Variants in ARHGAP29 observed in about 807,000 individuals in gnomAD.
ARHGAP29 encodes the protein Rho GTPase activating protein 29.
Under a neutral mutation model 122.6 loss-of-function variants are expected in ARHGAP29, and 43 were observed. That is an observed-to-expected ratio of 0.35 (90% confidence interval 0.27 to 0.45). The LOEUF is 0.45. Ranked by LOEUF, ARHGAP29 falls within the 20% of genes least tolerant of loss-of-function variation. The pLI, the probability that ARHGAP29 is intolerant of heterozygous loss-of-function variation, is 1.00. For synonymous variants in ARHGAP29, 506 were observed against 497.1 expected, an observed-to-expected ratio of 1.02 and a Z score of -0.24; for missense variants, 1,303 against 1,477.2, an observed-to-expected ratio of 0.88 and a Z score of 1.93.
chr1:94,310,938 C>A, the ARHGAP29 span, among the ~76,000 whole-genome samples: 5 of 152,156 alleles, frequency 3.3e-5, no homozygotes, highest in Admixed American at 2.6e-4. Flanking sequence ...ACACTCCTGG[C>A]TTCCTTCTAC....
In ARHGAP29 at chr1:94,247,282, G is replaced by A. The variant is rs1284462248; in HGVS notation, c.-32-15639C>T. On this transcript the variant is annotated intron_variant and NMD_transcript_variant, in intron 1 of 25. Coordinates refer to the ARHGAP29 transcript ENST00000552844. ...GGCTGGTGGCTAGCAAAGGGAGCGGGGCTGAGACACGCTCGGGGAGTCCTG... is the reference window on the plus strand; with the variant it reads ...GGCTGGTGGCTAGCAAAGGGAGCGGAGCTGAGACACGCTCGGGGAGTCCTG... 2.6e-5 allele frequency among the ~76,000 whole-genome samples: 4 copies of A among 152,138 alleles called. No homozygotes were observed. The East Asian group carries it at 7.8e-4, about 30-fold the overall frequency.
At chr1:94,236,239 A>C (rs2101626784) in intron 1 of ARHGAP29, among the ~76,000 whole-genome samples, 1 of 152,354 alleles carries the variant, frequency 6.6e-6, no homozygotes, top group East Asian at 1.9e-4. Flanking sequence ...ATACACATGC[A>C]CTTCATTTCT....
intron 2 of ARHGAP29, among the ~76,000 whole-genome samples, chr1:94,223,860 T>C (rs879478640): frequency 2.6e-5 from 4 of 151,984 alleles, no homozygotes; most frequent in Non-Finnish European, 4.4e-5. Flanking sequence ...TGGGCTAGAA[T>C]GCCACGGTGC....
At chr1:94,304,556 G>A in the ARHGAP29 span, among the ~76,000 whole-genome samples, 2 of 152,202 alleles carry the variant, frequency 1.3e-5, no homozygotes, top group Admixed American at 1.3e-4. Context: ...TTATTTGATA[G>A]CAACACATAA....
At chr1:94,212,217 C>G (rs762136273) in intron 3 of ARHGAP29, among the ~76,000 whole-genome samples, 34 of 151,992 alleles carry the variant, frequency 2.2e-4, no homozygotes, top group Non-Finnish European at 4.7e-4. Context: ...GAGATCTCAC[C>G]ACTGCACACT....
intron 3 of ARHGAP29, among the ~76,000 whole-genome samples, chr1:94,219,975 G>A (rs979268218): frequency 3.3e-5 from 5 of 152,102 alleles, no homozygotes; most frequent in Admixed American, 1.3e-4. Flanking sequence ...TCGAAAGAGC[G>A]TGCACTCATT....
At chr1:94,302,912 G>C in the ARHGAP29 span, 1 of 194,612 alleles carries the variant, frequency 5.1e-6, no homozygotes, top group Non-Finnish European at 1.1e-5. Context: ...CAACACTGGG[G>C]CTGGCATTGC....
chr1:94,185,772 T>C (rs1384252106), intron 16 of ARHGAP29, among the ~76,000 whole-genome samples: 1 of 152,172 alleles, frequency 6.6e-6, no homozygotes, highest in Non-Finnish European at 1.5e-5. Context: ...TACACTGTTA[T>C]TAATATGCTC....
chr1:94,230,465 T>C (rs1261748943), intron 2 of ARHGAP29, among the ~76,000 whole-genome samples: 1 of 151,836 alleles, frequency 6.6e-6, no homozygotes, highest in Non-Finnish European at 1.5e-5. Context: ...CCAGTCATTT[T>C]GGGCATTTCA....
chr1:94,300,440 C>G, the ARHGAP29 span, among the ~76,000 whole-genome samples: 1 of 152,204 alleles, frequency 6.6e-6, no homozygotes, highest in African/African-American at 2.4e-5. Flanking sequence ...AATAACACCT[C>G]TGGTTTCCAC....
chr1:94,244,583 A>C (rs1346660842), intron 1 of ARHGAP29, among the ~76,000 whole-genome samples: 1 of 152,128 alleles, frequency 6.6e-6, no homozygotes, highest in South Asian at 2.1e-4. Context: ...AAGAGAAAGA[A>C]ATAAAATGCA....
At chr1:94,235,953 T>C (rs1189860304) in intron 1 of ARHGAP29, among the ~76,000 whole-genome samples, 1 of 152,202 alleles carries the variant, frequency 6.6e-6, no homozygotes, top group Non-Finnish European at 1.5e-5. Context: ...AATTGAAGTG[T>C]AAAACTGCCC....
intron 16 of ARHGAP29, among the ~76,000 whole-genome samples, chr1:94,185,865 A>G (rs1412460865): frequency 6.6e-6 from 1 of 152,194 alleles, no homozygotes; most frequent in East Asian, 1.9e-4. Context: ...ATGAGGTTAG[A>G]GTGTGAGCAT....
Position 94,173,203 on chromosome 1 carries a change from G to A in ARHGAP29, c.*666C>T, listed in dbSNP as rs1384262557. ...AACTGAATATATAATTTAGAAACAG[G>A]TTTAAGTGCATTTTCTTTGTACAAC... is the stretch of plus-strand genomic sequence containing the variant. On this transcript the variant is annotated 3_prime_UTR_variant, in exon 23 of 23. Transcript: ENST00000260526. 1.3e-5 allele frequency: 2 copies of A among 152,502 alleles called. No individual in the cohort carries two copies. Among genetic ancestry groups the A allele is most frequent in the African/African-American group, 4.8e-5 (2 of 41,412 alleles). The allele number at this position is 152,502 out of a possible 1,614,324, so 9.4% of individuals were successfully genotyped here. A position where few individuals can be genotyped will look rare whatever the true frequency, so the allele number is the denominator to read the frequency against.
At chr1:94,299,675 G>A in the ARHGAP29 span, among the ~76,000 whole-genome samples, 1 of 152,076 alleles carries the variant, frequency 6.6e-6, no homozygotes, top group Non-Finnish European at 1.5e-5. Context: ...TCCACAGCAC[G>A]TTCCACTGTG....
chr1:94,256,433 G>C (rs532090565), intron 1 of ARHGAP29, among the ~76,000 whole-genome samples: 17 of 149,758 alleles, frequency 1.1e-4, no homozygotes, highest in African/African-American at 4.0e-4. Flanking sequence ...TACTGAACTT[G>C]GGTCAGAATT....
Position 94,173,648 on chromosome 1 carries a change from A to G in ARHGAP29, c.*221T>C, listed in dbSNP as rs1452325591. 1 of 485,836 alleles carries G rather than the reference A, an allele frequency of 2.1e-6. No individual in the cohort carries two copies. The highest frequency in any genetic ancestry group is 3.8e-5 in the Admixed American group (1 of 26,578). The allele number at this position is 485,836 out of a possible 1,614,324, so 30.1% of individuals were successfully genotyped here. ...CTATCTTATTCACAACTTTAAAAATACAGAATTTAAAGATAATTCCAGTGA... is the reference window on the plus strand; with the variant it reads ...CTATCTTATTCACAACTTTAAAAATGCAGAATTTAAAGATAATTCCAGTGA... On this transcript the variant is annotated 3_prime_UTR_variant, in exon 23 of 23. Coordinates refer to ENST00000260526, the MANE Select transcript of ARHGAP29 (RefSeq NM_004815.4).
At chr1:94,206,109 A>G (rs1350962890) in intron 5 of ARHGAP29, among the ~76,000 whole-genome samples, 1 of 152,176 alleles carries the variant, frequency 6.6e-6, no homozygotes, top group Non-Finnish European at 1.5e-5. Flanking sequence ...TCTATTACAT[A>G]GCTTAGCACA....
intron 2 of ARHGAP29, among the ~76,000 whole-genome samples, chr1:94,228,905 T>C (rs1652771498): frequency 6.6e-6 from 1 of 151,854 alleles, no homozygotes; most frequent in African/African-American, 2.4e-5. Context: ...AAAAAATGTA[T>C]TCTGACTAAA....
Sources: allele counts gnomAD v4.1 joint callset (sites outside exome capture counted in the v4.1 genomes callset), GRCh38; gene constraint gnomAD v4.1.1; transcripts MANE v1.5; gene names NCBI Gene and HGNC (gene_info 2026-07-23, HGNC 2026-07-21).